TJP2: variants seen among roughly 807,000 people sequenced by gnomAD.
The protein encoded by TJP2 is Friedreich ataxia region gene X104 (tight junction protein ZO-2).
A neutral mutation model predicts 133.1 loss-of-function variants in TJP2; 91 were observed. The ratio of observed to expected loss-of-function variants is 0.68; its 90% CI spans 0.58 to 0.81. The LOEUF (loss-of-function observed/expected upper bound fraction) is 0.81, where lower values mean the gene tolerates loss of function less well. Among genes scored for constraint, TJP2 ranks in the 40% least tolerant of loss-of-function variants. The probability of loss-of-function intolerance (pLI) is 0.00; values close to 1 mark genes in which losing one functional copy is unlikely to be tolerated. For missense variants in TJP2, 1,541 were observed against 1,565.6 expected (o/e 0.98, Z 0.26); for synonymous variants, 592 against 583.4 (o/e 1.01, Z -0.21).
intron 1 of TJP2, among the ~76,000 whole-genome samples, chr9:69,189,032 C>T (rs1177284581): frequency 6.6e-6 from 1 of 152,158 alleles, no homozygotes; most frequent in Non-Finnish European, 1.5e-5. Flanking sequence ...CAAATACCTC[C>T]AAGAGGTTTT....
intron 2 of TJP2, among the ~76,000 whole-genome samples, chr9:69,161,519 G>A (rs923636814): frequency 3.9e-5 from 6 of 151,974 alleles, no homozygotes; most frequent in Middle Eastern, 3.2e-3. Context: ...GAGCCACTGC[G>A]CCCGGCCTGA....
Position 69,236,064 on chromosome 9 carries a change from C to T in TJP2, c.1817C>T (p.Ser606Leu), listed in dbSNP as rs776993361. 2.4e-5 allele frequency: 38 copies of T among 1,613,962 alleles called. No homozygotes were observed. Among genetic ancestry groups the T allele is most frequent in the South Asian group, 7.7e-5 (7 of 91,070 alleles). ...RDILACGRGDSFFIRSHFECE... is the reference protein window; with the variant it reads ...RDILACGRGDLFFIRSHFECE... The stretch of plus-strand genomic sequence containing the variant: ...ATCCTGGCTTGTGGCAGAGGGGATT[C>T]GTTTTTTATAAGAAGCCACTTTGAA... Residue 606 changes from serine to leucine, a missense_variant, in exon 13 of 23, where the codon TCG (serine) becomes TTG (leucine). Ser to Leu is a moderately radical substitution (Grantham distance 145, BLOSUM62 -2). Coordinates refer to ENST00000377245, the MANE Select transcript of TJP2 (RefSeq NM_004817.4).
At chr9:69,180,845 T>G (rs1460130745) in intron 1 of TJP2, among the ~76,000 whole-genome samples, 3 of 152,234 alleles carry the variant, frequency 2.0e-5, no homozygotes, top group Non-Finnish European at 4.4e-5. Context: ...TGCCTGTGAT[T>G]GGTGAGGATG....
At chr9:69,147,104 T>G (rs1156832437) in intron 1 of TJP2, among the ~76,000 whole-genome samples, 1 of 152,198 alleles carries the variant, frequency 6.6e-6, no homozygotes, top group Non-Finnish European at 1.5e-5. Flanking sequence ...AGAGTCCATG[T>G]AGGTTAATGC....
At chr9:69,182,976 T>A (rs1158166288) in intron 1 of TJP2, among the ~76,000 whole-genome samples, 1 of 151,276 alleles carries the variant, frequency 6.6e-6, no homozygotes, top group Non-Finnish European at 1.5e-5. Context: ...TTTTTTTTTT[T>A]AGTAGAGACA....
At chr9:69,139,220 A>G (rs142607875) in intron 1 of TJP2, among the ~76,000 whole-genome samples, 136 of 152,370 alleles carry the variant, frequency 8.9e-4, no homozygotes, top group African/African-American at 3.1e-3. Context: ...TCATCTCAAA[A>G]AAACCAACCA....
chr9:69,167,181 T>C (rs890151946), intron 2 of TJP2, among the ~76,000 whole-genome samples: 1 of 152,052 alleles, frequency 6.6e-6, no homozygotes, highest in African/African-American at 2.4e-5. Context: ...GACGTTGCAG[T>C]GAGCCTAGAT....
At chr9:69,129,336 C>G (rs1029720470) in intron 1 of TJP2, among the ~76,000 whole-genome samples, 9 of 151,884 alleles carry the variant, frequency 5.9e-5, no homozygotes, top group African/African-American at 1.9e-4. Flanking sequence ...CATGGTGAAA[C>G]CCAGTCTCTA....
chr9:69,210,121 T>TACCAAAA (rs1197236811), intron 1 of TJP2, among the ~76,000 whole-genome samples: 2 of 151,714 alleles, frequency 1.3e-5, no homozygotes. Context: ...ACCGTGTCTC[T>TACCAAAA]ACCAAAAATA....
chr9:69,240,887 GATA>G (rs144644467), intron 17 of TJP2, among the ~76,000 whole-genome samples: 3,492 of 151,410 alleles, frequency 0.023, 131 homozygotes, highest in African/African-American at 0.08. Flanking sequence ...TGTTAGGTGT[GATA>G]ATAATATTGT....
intron 12 of TJP2, 77 bp from the exon 13 acceptor site, chr9:69,235,951 A>C: frequency 7.4e-7 from 1 of 1,349,158 alleles, no homozygotes; most frequent in Non-Finnish European, 1.1e-6. Flanking sequence ...GATCAGAGAT[A>C]GGAGAAGCTG....
intron 2 of TJP2, among the ~76,000 whole-genome samples, chr9:69,153,655 A>AG (rs1230329663): frequency 6.6e-6 from 1 of 152,166 alleles, no homozygotes; most frequent in Non-Finnish European, 1.5e-5. Flanking sequence ...AATAAATTGG[A>AG]GGGGTACTAT....
At chr9:69,200,230 T>G (rs1245416098) in intron 1 of TJP2, among the ~76,000 whole-genome samples, 1 of 152,074 alleles carries the variant, frequency 6.6e-6, no homozygotes, top group Non-Finnish European at 1.5e-5. Context: ...GTTCCCTCTA[T>G]GCAGAATGCC....
chr9:69,151,313 C>G lies in TJP2; in HGVS notation c.-130-338C>G, dbSNP rs1003013062. 1.6e-4 allele frequency among the ~76,000 whole-genome samples: 24 copies of G among 152,046 alleles called. 1 individual carries two copies. Among genetic ancestry groups the G allele is most frequent in the Admixed American group, 1.2e-3 (19 of 15,252 alleles). On this transcript the variant is annotated intron_variant, in intron 1 of 5. Transcript: ENST00000423935. ...CCTGACCAACATGGAGAAACCCCGT[C>G]TCTACTAAAAATACAAAATTAGCCG...
At chr9:69,186,548 A>G (rs1012953181) in intron 1 of TJP2, among the ~76,000 whole-genome samples, 2 of 152,174 alleles carry the variant, frequency 1.3e-5, no homozygotes, top group African/African-American at 2.4e-5. Flanking sequence ...AGGGCTAACA[A>G]TGGATGTCCA....
intron 14 of TJP2, 54 bp downstream of exon 14, chr9:69,237,190 C>G: frequency 6.2e-7 from 1 of 1,601,506 alleles, no homozygotes; most frequent in Non-Finnish European, 8.6e-7. Flanking sequence ...TGAGCCTGTT[C>G]ACCTTTATTT....
intron 11 of TJP2, among the ~76,000 whole-genome samples, chr9:69,231,488 A>G (rs1004532477): frequency 6.6e-6 from 1 of 152,116 alleles, no homozygotes; most frequent in African/African-American, 2.4e-5. Context: ...TGTTAGTAAA[A>G]AATCCATATG....
chr9:69,140,028 C>T (rs747994174), intron 1 of TJP2, among the ~76,000 whole-genome samples: 4 of 152,262 alleles, frequency 2.6e-5, no homozygotes, highest in Admixed American at 6.5e-5. Context: ...ACTCAAACAC[C>T]CTCAGAGCTG....
intron 1 of TJP2, among the ~76,000 whole-genome samples, chr9:69,140,493 T>C (rs1260257966): frequency 6.6e-6 from 1 of 152,176 alleles, no homozygotes; most frequent in Non-Finnish European, 1.5e-5. Context: ...TGGGATCATG[T>C]GAACTACTCT....
Sources: gnomAD v4.1 joint callset for allele counts (sites outside exome capture counted in the v4.1 genomes callset) on GRCh38, gnomAD v4.1.1 for gene constraint, MANE v1.5 for transcripts, NCBI Gene and HGNC (gene_info 2026-07-23, HGNC 2026-07-21) for gene names.